CACNA2D3: variants seen among roughly 807,000 people sequenced by gnomAD.
CACNA2D3 encodes voltage-dependent calcium channel subunit alpha-2/delta-3.
A neutral mutation model predicts 160.6 loss-of-function variants in CACNA2D3; 60 were observed. That is an observed-to-expected ratio of 0.37 (90% CI 0.30 to 0.46). The LOEUF is 0.46. CACNA2D3 is among the 20% of genes least tolerant of loss of function. CACNA2D3 has a pLI of 1.00. For missense variants in CACNA2D3, 1,205 were observed against 1,365.0 expected (o/e 0.88, Z 1.85); for synonymous variants, 558 against 492.9 (o/e 1.13, Z -1.75).
At chr3:54,243,878 A>G (rs1356554641) in intron 2 of CACNA2D3, among the ~76,000 whole-genome samples, 1 of 152,158 alleles carries the variant, frequency 6.6e-6, no homozygotes, top group Admixed American at 6.5e-5. Flanking sequence ...TCCTCACTGG[A>G]TGAATATGGA....
chr3:54,411,054 G>A (rs1699660158), intron 4 of CACNA2D3, among the ~76,000 whole-genome samples: 1 of 152,168 alleles, frequency 6.6e-6, no homozygotes. Flanking sequence ...ATAGCAAGAG[G>A]ACTAGAATTA....
chr3:54,679,506 C>G (rs1700304355), intron 11 of CACNA2D3, among the ~76,000 whole-genome samples: 1 of 152,160 alleles, frequency 6.6e-6, no homozygotes, highest in Non-Finnish European at 1.5e-5. Context: ...CACACATGGT[C>G]AAGCTGCTTG....
chr3:54,928,059 C>G (rs1701077939), intron 27 of CACNA2D3: 1 of 717,154 alleles, frequency 1.4e-6, no homozygotes, highest in East Asian at 2.5e-5. Context: ...ATGCAGAAAA[C>G]AGTTGTTGCT....
At chr3:54,539,080 T>C (rs1209607456) in intron 5 of CACNA2D3, among the ~76,000 whole-genome samples, 1 of 151,426 alleles carries the variant, frequency 6.6e-6, no homozygotes, top group East Asian at 2.0e-4. Flanking sequence ...TTGTCATCCA[T>C]AGCTGTCTTA....
chr3:54,789,852 A>G (rs747359926), intron 13 of CACNA2D3: 6 of 517,590 alleles, frequency 1.2e-5, no homozygotes, highest in Admixed American at 9.7e-5. Context: ...GGCTTGAGGG[A>G]TCTCCAGGTC....
intron 27 of CACNA2D3, among the ~76,000 whole-genome samples, chr3:54,958,373 A>G (rs1198499170): frequency 6.6e-6 from 1 of 152,186 alleles, no homozygotes; most frequent in East Asian, 1.9e-4. Context: ...AGCCTGGGCG[A>G]CAGAGCAAGA....
chr3:54,381,182 G>C (rs185821661), intron 3 of CACNA2D3, among the ~76,000 whole-genome samples: 24 of 152,056 alleles, frequency 1.6e-4, no homozygotes, highest in Admixed American at 1.4e-3. Context: ...ACAACCCAAA[G>C]GTTTTTAGCT....
chr3:54,263,828 CATG>C (rs1335043036), intron 2 of CACNA2D3, among the ~76,000 whole-genome samples: 1 of 152,186 alleles, frequency 6.6e-6, no homozygotes, highest in Non-Finnish European at 1.5e-5. Context: ...ATAAGGTACG[CATG>C]ATGTCTGTAC....
At chr3:54,784,806 ATCTTTT>A (rs1324946330) in intron 13 of CACNA2D3, among the ~76,000 whole-genome samples, 2 of 152,192 alleles carry the variant, frequency 1.3e-5, no homozygotes, top group Non-Finnish European at 1.5e-5. Flanking sequence ...AAGTGACAGG[ATCTTTT>A]CAAGAGCAAG....
At chr3:54,675,115 A>G (rs752979210) in intron 11 of CACNA2D3, among the ~76,000 whole-genome samples, 2 of 152,148 alleles carry the variant, frequency 1.3e-5, no homozygotes, top group Non-Finnish European at 2.9e-5. Flanking sequence ...GGAGGGGGAC[A>G]TTTTTGGATT....
At chr3:54,208,274 T>G (rs978273699) in intron 2 of CACNA2D3, among the ~76,000 whole-genome samples, 8 of 152,040 alleles carry the variant, frequency 5.3e-5, no homozygotes, top group Non-Finnish European at 1.0e-4. Context: ...CCTGGCTAAT[T>G]TTTTTGTATT....
At chr3:54,879,327 C>CTTT in intron 19 of CACNA2D3, 23 bp from the exon 20 acceptor site, 7 of 1,387,596 alleles carry the variant, frequency 5.0e-6, no homozygotes, top group African/African-American at 3.0e-5. Context: ...TTCTCTACGA[C>CTTT]TTTTTTTTTT....
Position 54,322,418 on chromosome 3 carries a change from TTATG to T in CACNA2D3, c.321+1865_321+1868del, listed in dbSNP as rs142274514. 1.6e-4 allele frequency among the ~76,000 whole-genome samples: 24 copies of T among 152,366 alleles called. 1 individual carries two copies. In the East Asian group the frequency reaches 4.6e-3, roughly 29 times the overall value. On this transcript the variant is annotated intron_variant, in intron 3 of 37. Transcript: ENST00000474759. ...TGCACCAGCCCCTGTGCTAATCACT[TTATG>T]TATGCAATCTCATTCTTGTATCAAC...
chr3:54,975,331 C>T (rs967943520), intron 29 of CACNA2D3, among the ~76,000 whole-genome samples: 1 of 152,034 alleles, frequency 6.6e-6, no homozygotes, highest in South Asian at 2.1e-4. Flanking sequence ...GCAGCCTGGC[C>T]AACATGGTGA....
chr3:54,184,447 C>A (rs2107326911), intron 2 of CACNA2D3, among the ~76,000 whole-genome samples: 1 of 152,276 alleles, frequency 6.6e-6, no homozygotes, highest in South Asian at 2.1e-4. Flanking sequence ...GTCATTTGCC[C>A]AAGATCATGA....
At chr3:54,648,359 G>A (rs945484223) in intron 11 of CACNA2D3, among the ~76,000 whole-genome samples, 19 of 152,314 alleles carry the variant, frequency 1.2e-4, no homozygotes, top group African/African-American at 3.6e-4. Context: ...ATTGTCTATG[G>A]CTGATGGCAG....
At chr3:54,779,650 C>G (rs1702495457) in intron 13 of CACNA2D3, among the ~76,000 whole-genome samples, 1 of 152,158 alleles carries the variant, frequency 6.6e-6, no homozygotes, top group African/African-American at 2.4e-5. Flanking sequence ...TTTCTCCCTC[C>G]CCTGGGCTTT....
intron 11 of CACNA2D3, among the ~76,000 whole-genome samples, chr3:54,733,373 T>C (rs1319393082): frequency 2.6e-5 from 4 of 152,210 alleles, no homozygotes; most frequent in Non-Finnish European, 5.9e-5. Flanking sequence ...ATATGAGCTG[T>C]ATAAGGCAGA....
At chr3:54,228,550 C>G (rs1701714474) in intron 2 of CACNA2D3, among the ~76,000 whole-genome samples, 1 of 152,190 alleles carries the variant, frequency 6.6e-6, no homozygotes, top group Non-Finnish European at 1.5e-5. Context: ...GCAGTCATCT[C>G]TTTAGCAACT....
Sources: allele counts gnomAD v4.1 joint callset (sites outside exome capture counted in the v4.1 genomes callset), GRCh38; gene constraint gnomAD v4.1.1; transcripts MANE v1.5; gene names NCBI Gene and HGNC (gene_info 2026-07-23, HGNC 2026-07-21).